CNOT11: variants seen among roughly 807,000 people sequenced by gnomAD.
The protein encoded by CNOT11 is UPF0760 protein C2orf29.
Under a neutral mutation model 44.6 loss-of-function variants are expected in CNOT11, and 18 were observed. The observed-to-expected ratio is 0.40, with a 90% CI of 0.28 to 0.60. The LOEUF (loss-of-function observed/expected upper bound fraction) is 0.60. Ranked by LOEUF, CNOT11 falls within the 20% of genes least tolerant of loss-of-function variation. The probability of loss-of-function intolerance (pLI) is 0.38; values close to 1 mark genes in which losing one functional copy is unlikely to be tolerated. For synonymous variants in CNOT11, 291 were observed against 270.9 expected (o/e 1.07, Z -0.73); for missense variants, 513 against 677.0 (o/e 0.76, Z 2.69).
intron 3 of CNOT11, 26 bp from the exon 4 acceptor site, chr2:101,264,819 A>C: frequency 6.3e-7 from 1 of 1,583,608 alleles, no homozygotes; most frequent in Non-Finnish European, 8.7e-7. Flanking sequence ...TCCTGATAGG[A>C]GCAACTATCA....
At chr2:101,254,133 T>G (rs1157875544) in intron 1 of CNOT11, among the ~76,000 whole-genome samples, 1 of 152,178 alleles carries the variant, frequency 6.6e-6, no homozygotes, top group African/African-American at 2.4e-5. Context: ...CATTTTTTTT[T>G]GTTTTTAAGC....
At chr2:101,259,603 A>G (rs1019304431) in intron 2 of CNOT11, among the ~76,000 whole-genome samples, 4 of 152,232 alleles carry the variant, frequency 2.6e-5, no homozygotes, top group African/African-American at 9.6e-5. Flanking sequence ...TAATTAAGTA[A>G]GCTGAAGTAT....
intron 5 of CNOT11, among the ~76,000 whole-genome samples, chr2:101,267,575 G>A (rs571797271): frequency 2.0e-5 from 3 of 152,172 alleles, no homozygotes; most frequent in South Asian, 4.2e-4. Flanking sequence ...TAGCTTCCTC[G>A]TGCTCTTCTC....
chr2:101,268,287 C>T (rs578087633), intron 5 of CNOT11, among the ~76,000 whole-genome samples: 13 of 152,312 alleles, frequency 8.5e-5, no homozygotes, highest in African/African-American at 3.1e-4. Flanking sequence ...CCGGATTGAC[C>T]ACGCTGAGTG....
At chr2:101,266,992 A>G in intron 5 of CNOT11, 113 bp downstream of exon 5, 1 of 730,928 alleles carries the variant, frequency 1.4e-6, no homozygotes, top group Non-Finnish European at 2.3e-6. Flanking sequence ...ATTAACTATT[A>G]AAGAAATAAT....
Position 101,262,591 on chromosome 2 carries a change from C to G in CNOT11, c.732C>G (p.Leu244=), listed in dbSNP as rs777544142. Residue 244 remains leucine (L), a synonymous_variant, in exon 3 of 7, where the codon CTC becomes CTG. Coordinates refer to ENST00000289382, the MANE Select transcript of CNOT11 (RefSeq NM_017546.5). Reference sequence around the variant, plus strand: ...GCAAAGCGAGCTTCCCCAGTATTCTCAGTGACCCAGACCCGGATTCTTCTA... The same window carrying G: ...GCAAAGCGAGCTTCCCCAGTATTCTGAGTGACCCAGACCCGGATTCTTCTA... The part of the protein sequence containing the change: ...TQSKASFPSI[L]SDPDPDSSNS... 2.5e-6 allele frequency: 4 copies of G among 1,614,128 alleles called. No homozygotes were observed. Among genetic ancestry groups the G allele is most frequent in the Non-Finnish European group, 2.5e-6 (3 of 1,179,972 alleles).
chr2:101,262,732 T>C, intron 3 of CNOT11, 41 bp downstream of exon 3: 3 of 1,550,572 alleles, frequency 1.9e-6, no homozygotes, highest in Non-Finnish European at 2.7e-6. Flanking sequence ...TGTTTTATTC[T>C]GTCAGCAGGA....
Position 101,253,015 on chromosome 2 carries a change from G to A in CNOT11, c.51G>A (p.Ala17=), listed in dbSNP as rs1681654099. Residue 17 remains alanine (A), a synonymous_variant, in exon 1 of 7, where the codon GCG becomes GCA. Coordinates refer to ENST00000289382, the MANE Select transcript of CNOT11 (RefSeq NM_017546.5). The surrounding 1 kb of genome is among the most constrained non-coding windows in gnomAD (Gnocchi z 4.3). The part of the protein sequence containing the change: ...SAASGRLLTA[A]EQRGSREAAG... The stretch of plus-strand genomic sequence containing the variant: ...CGTCTGGCCGGCTTCTCACCGCCGC[G>A]GAGCAAAGAGGGTCCCGGGAAGCGG... 1.3e-6 allele frequency: 2 copies of A among 1,502,942 alleles called. No individual in the cohort carries two copies. Among genetic ancestry groups the A allele is most frequent in the Admixed American group, 2.1e-5 (1 of 47,044 alleles). The allele number at this position is 1,502,942 out of a possible 1,614,324, so 93.1% of individuals were successfully genotyped here. A position where few individuals can be genotyped will look rare whatever the true frequency, so the allele number is the denominator to read the frequency against.
At chr2:101,262,908 G>C (rs1281049816) in intron 3 of CNOT11, among the ~76,000 whole-genome samples, 2 of 152,096 alleles carry the variant, frequency 1.3e-5, no homozygotes, top group Non-Finnish European at 2.9e-5. Flanking sequence ...GTTGTTTGTT[G>C]CATGTCTATC....
In CNOT11 at chr2:101,253,783, G is replaced by C. The variant is rs1053635511; in HGVS notation, c.514+305G>C. Among the ~76,000 whole-genome samples, 25 of 152,136 alleles carry C rather than the reference G, an allele frequency of 1.6e-4. No individual in the cohort carries two copies. The highest frequency in any genetic ancestry group is 3.4e-4 in the Non-Finnish European group (23 of 68,024). On this transcript the variant is annotated intron_variant, in intron 1 of 6. Transcript: ENST00000289382. The surrounding 1 kb of genome is among the most constrained non-coding windows in gnomAD (Gnocchi z 4.3). ...GTGTCTCAAATACGGTTCGTTCTTCGAAAACCCGTCTGTGGTGTGTGAAGT... is the reference window on the plus strand; with the variant it reads ...GTGTCTCAAATACGGTTCGTTCTTCCAAAACCCGTCTGTGGTGTGTGAAGT...
intron 1 of CNOT11, among the ~76,000 whole-genome samples, chr2:101,254,397 C>T (rs537624680): frequency 1.3e-5 from 2 of 152,008 alleles, no homozygotes; most frequent in African/African-American, 4.8e-5. Context: ...ACAGGAGGGC[C>T]GCGTTTCTAG....
chr2:101,262,665 T>C lies in CNOT11; in HGVS notation c.806T>C (p.Val269Ala). ...SVASQITEAL[V>A]SGPKPPIESH... ...GCCTCTCAGATCACAGAAGCTTTAG[T>C]CAGCGGACCAAAGCCACCTATTGAA... Residue 269 changes from valine to alanine, a missense_variant, in exon 3 of 7, where the codon GTC (valine) becomes GCC (alanine). Physicochemically the swap from Val to Ala is moderately conservative, Grantham distance 64. This residue lies in a region of CNOT11 where 140 missense variants were observed against 169.8 expected (regional missense o/e 0.82). Transcript: ENST00000289382. 6.2e-7 allele frequency: 1 copy of C among 1,614,200 alleles called. No homozygotes were observed. Among genetic ancestry groups the C allele is most frequent in the South Asian group, 1.1e-5 (1 of 91,080 alleles).
At chr2:101,265,879 A>C (rs1681971318) in intron 4 of CNOT11, among the ~76,000 whole-genome samples, 3 of 152,276 alleles carry the variant, frequency 2.0e-5, no homozygotes, top group South Asian at 4.1e-4. Flanking sequence ...TGGTTGGTGA[A>C]TTTTATCCAG....
chr2:101,266,208 C>T (rs886594067), intron 4 of CNOT11, among the ~76,000 whole-genome samples: 15 of 152,154 alleles, frequency 9.9e-5, no homozygotes, highest in African/African-American at 2.9e-4. Context: ...TCCGGATTCC[C>T]GCTCCGGCTT....
intron 2 of CNOT11, 186 bp from the exon 3 acceptor site, chr2:101,262,353 A>G (rs1366022649): frequency 1.5e-5 from 8 of 529,440 alleles, no homozygotes; most frequent in Non-Finnish European, 2.7e-5. Flanking sequence ...TTAGTGGCAG[A>G]TTCCAAGAAC....
intron 2 of CNOT11, 64 bp downstream of exon 2, chr2:101,258,019 C>A: frequency 2.0e-6 from 3 of 1,472,594 alleles, no homozygotes; most frequent in Non-Finnish European, 2.8e-6. Flanking sequence ...TTGTTGAGGA[C>A]TCTACTAAAA....
At chr2:101,262,740 G>A in intron 3 of CNOT11, 49 bp downstream of exon 3, 1 of 1,497,934 alleles carries the variant, frequency 6.7e-7, no homozygotes, top group Non-Finnish European at 9.2e-7. Flanking sequence ...TCTGTCAGCA[G>A]GATCCTCTAG....
intron 3 of CNOT11, among the ~76,000 whole-genome samples, chr2:101,263,813 A>G (rs1298900103): frequency 6.6e-6 from 1 of 152,242 alleles, no homozygotes; most frequent in Non-Finnish European, 1.5e-5. Flanking sequence ...TAAATTGCAT[A>G]GGTCACCAGG....
intron 3 of CNOT11, among the ~76,000 whole-genome samples, chr2:101,264,045 A>T (rs1486948809): frequency 2.0e-5 from 3 of 152,234 alleles, no homozygotes; most frequent in Non-Finnish European, 4.4e-5. Flanking sequence ...TTAACTAAAA[A>T]ATATTTTCTG....
Sources: allele counts gnomAD v4.1 joint callset (sites outside exome capture counted in the v4.1 genomes callset), GRCh38; gene constraint gnomAD v4.1.1; regional missense constraint gnomAD v4.1.1; non-coding constraint Gnocchi (gnomAD v3.1); transcripts MANE v1.5; gene names NCBI Gene and HGNC (gene_info 2026-07-23, HGNC 2026-07-21).